TP53BP1: variants seen among roughly 807,000 people sequenced by gnomAD.
The protein encoded by TP53BP1 is TP53-binding protein 1.
A neutral mutation model predicts 200.8 loss-of-function variants in TP53BP1; 61 were observed. The ratio of observed to expected loss-of-function variants is 0.30; its 90% CI spans 0.25 to 0.38. TP53BP1 has a LOEUF of 0.38. TP53BP1 is among the 10% of genes least tolerant of loss of function. The pLI is 1.00. For missense variants in TP53BP1, 2,144 were observed against 2,371.9 expected (o/e 0.90, Z 2.00); for synonymous variants, 822 against 844.3 (o/e 0.97, Z 0.46).
chr15:43,454,661 C>T (rs2046252931), intron 12 of TP53BP1, among the ~76,000 whole-genome samples: 1 of 152,080 alleles, frequency 6.6e-6, no homozygotes, highest in African/African-American at 2.4e-5. Context: ...CCACGCCTGA[C>T]CTACATTATA....
At chr15:43,462,458 C>T (rs532311867) in intron 11 of TP53BP1, among the ~76,000 whole-genome samples, 4 of 152,000 alleles carry the variant, frequency 2.6e-5, no homozygotes, top group Admixed American at 6.6e-5. Flanking sequence ...TACAGGCACA[C>T]GTCACCACAT....
At chr15:43,411,321 A>G (rs1161662948) in intron 24 of TP53BP1, among the ~76,000 whole-genome samples, 2 of 152,206 alleles carry the variant, frequency 1.3e-5, no homozygotes, top group African/African-American at 4.8e-5. Context: ...TCAAGTATGA[A>G]GGTACTAAAT....
intron 4 of TP53BP1, among the ~76,000 whole-genome samples, chr15:43,483,271 C>CACAG (rs60263686): frequency 6.6e-6 from 1 of 150,460 alleles, no homozygotes; most frequent in Non-Finnish European, 1.5e-5. Context: ...CACACACACA[C>CACAG]AGAACAAATG....
Position 43,404,885 on chromosome 15 carries a change from C to T in TP53BP1, c.*2498G>A, listed in dbSNP as rs1309705011. ...GCCGTGGGCACCCCGCCTTGCTGGT[C>T]CCTAGCTTCCGCATCTGTGAAAGGA... is the stretch of plus-strand genomic sequence containing the variant. On this transcript the variant is annotated 3_prime_UTR_variant, in exon 28 of 28. Transcript: ENST00000382044. The T allele has an allele frequency of 1.0e-5, 5 of 489,988 alleles. No homozygotes were observed. Among genetic ancestry groups the T allele is most frequent in the Non-Finnish European group, 1.8e-5 (5 of 277,250 alleles). 30.4% of individuals were successfully genotyped at this position (489,988 alleles called of 1,614,324 possible). A position where few individuals can be genotyped will look rare whatever the true frequency, so the allele number is the denominator to read the frequency against.
Position 43,432,549 on chromosome 15 carries a change from G to A in TP53BP1, c.3320C>T (p.Pro1107Leu). ...TTGTATGACCATCTTCTGGGAAGCAGGAGAAACAGGGTCCTTGACAGGACT... is the reference window on the plus strand; with the variant it reads ...TTGTATGACCATCTTCTGGGAAGCAAGAGAAACAGGGTCCTTGACAGGACT... The part of the protein sequence containing the change: ...PISPVKDPVS[P>L]ASQKMVIQGP... The change falls in exon 17 of 28, where the codon CCT becomes CTT. Residue 1107 changes from proline (P) to leucine (L), a missense_variant. Pro to Leu is a moderately conservative substitution (Grantham distance 98). This residue lies in a region of TP53BP1 where 1,700 missense variants were observed against 1,710.3 expected (regional missense o/e 0.99). Coordinates refer to ENST00000382044, the MANE Select transcript of TP53BP1 (RefSeq NM_001141980.3). The A allele has an allele frequency of 6.2e-7, 1 of 1,614,170 alleles. No homozygotes were observed. Among genetic ancestry groups the A allele is most frequent in the Non-Finnish European group, 8.5e-7 (1 of 1,180,030 alleles).
At chr15:43,412,084 C>T (rs1215755859) in intron 24 of TP53BP1, among the ~76,000 whole-genome samples, 1 of 152,170 alleles carries the variant, frequency 6.6e-6, no homozygotes, top group African/African-American at 2.4e-5. Flanking sequence ...GTGTTGCAAA[C>T]ACTGGACCTT....
At chr15:43,443,315 A>C (rs2045971137) in intron 14 of TP53BP1, among the ~76,000 whole-genome samples, 1 of 152,216 alleles carries the variant, frequency 6.6e-6, no homozygotes, top group South Asian at 2.1e-4. Context: ...TAGGTTGATG[A>C]ACTAATTTTA....
chr15:43,462,325 G>A (rs1447786937), intron 11 of TP53BP1, among the ~76,000 whole-genome samples: 1 of 150,328 alleles, frequency 6.7e-6, no homozygotes, highest in Non-Finnish European at 1.5e-5. Flanking sequence ...CTTCAAGATG[G>A]GGTCTTGCTT....
chr15:43,493,844 A>C (rs1380837262), upstream of TP53BP1, among the ~76,000 whole-genome samples: 3 of 152,204 alleles, frequency 2.0e-5, no homozygotes, highest in African/African-American at 7.2e-5. Context: ...TTGCCTGCAG[A>C]GACTACAGCC....
At chr15:43,502,385 A>G (rs2079213691) in intron 1 of TP53BP1, among the ~76,000 whole-genome samples, 1 of 152,102 alleles carries the variant, frequency 6.6e-6, no homozygotes, top group African/African-American at 2.4e-5. Flanking sequence ...TCCACTAACA[A>G]CATATTAGTT....
chr15:43,446,675 CTGTT>C, intron 13 of TP53BP1, 85 bp from the exon 14 acceptor site: 1 of 1,564,996 alleles, frequency 6.4e-7, no homozygotes, highest in Non-Finnish European at 8.7e-7. Context: ...ATCAATTTGC[CTGTT>C]TGGCTCCACA....
intron 25 of TP53BP1, 78 bp downstream of exon 25, chr15:43,409,569 C>T: frequency 1.3e-6 from 1 of 762,330 alleles, no homozygotes; most frequent in Non-Finnish European, 2.1e-6. Context: ...TCCCCAACCC[C>T]TCCCAGGCCT....
intron 4 of TP53BP1, 21 bp downstream of exon 4, chr15:43,491,648 A>G: frequency 6.4e-7 from 1 of 1,558,482 alleles, no homozygotes; most frequent in Non-Finnish European, 8.9e-7. Flanking sequence ...ATTTAAATAA[A>G]CCCCTTCAAA....
chr15:43,491,432 T>A (rs1307654049), intron 4 of TP53BP1, among the ~76,000 whole-genome samples: 1 of 152,184 alleles, frequency 6.6e-6, no homozygotes, highest in African/African-American at 2.4e-5. Context: ...CTTATTTTGT[T>A]TCACATGCAC....
At position 43,409,671 on chromosome 15, in the gene TP53BP1, G is replaced by A. The variant is rs2045046698; in HGVS notation, c.5376C>T (p.Ile1792=). Reference sequence around the variant, plus strand: ...CCTGGGCTTCATTGAAATCTTCAAGGATATAGCCAGCTCCTGCTCGAAGCT... The same window carrying A: ...CCTGGGCTTCATTGAAATCTTCAAGAATATAGCCAGCTCCTGCTCGAAGCT... ...ESQLRAGAGY[I]LEDFNEAQCN... Residue 1792 remains isoleucine, a synonymous_variant, in exon 25 of 28, where the codon ATC becomes ATT. Coordinates refer to ENST00000382044, the MANE Select transcript of TP53BP1 (RefSeq NM_001141980.3). 1.3e-6 allele frequency: 2 copies of A among 1,568,420 alleles called. No individual in the cohort carries two copies. Among genetic ancestry groups the A allele is most frequent in the Non-Finnish European group, 1.7e-6 (2 of 1,159,720 alleles).
At chr15:43,454,492 T>G (rs757980282) in intron 12 of TP53BP1, among the ~76,000 whole-genome samples, 3 of 151,080 alleles carry the variant, frequency 2.0e-5, no homozygotes, top group Non-Finnish European at 4.4e-5. Flanking sequence ...GCCTCCCGAG[T>G]AGCTGGGATT....
intron 17 of TP53BP1, 21 bp downstream of exon 17, chr15:43,432,173 C>A (rs1445178531): frequency 3.1e-6 from 5 of 1,589,630 alleles, no homozygotes; most frequent in Non-Finnish European, 4.3e-6. Context: ...GCCTCTGATG[C>A]ACCCTAGTAT....
intron 15 of TP53BP1, among the ~76,000 whole-genome samples, chr15:43,440,271 ACT>A (rs1353837910): frequency 6.6e-6 from 1 of 151,888 alleles, no homozygotes; most frequent in Admixed American, 6.6e-5. Context: ...TGTCCTCAAC[ACT>A]CTGTCTTGCG....
chr15:43,463,909 C>A (rs903516235), intron 11 of TP53BP1, among the ~76,000 whole-genome samples: 5 of 152,218 alleles, frequency 3.3e-5, no homozygotes, highest in Admixed American at 6.5e-5. Context: ...TGCCTCCCAA[C>A]CCCCCTTCCC....
Sources: gnomAD v4.1 joint callset for allele counts (sites outside exome capture counted in the v4.1 genomes callset) on GRCh38, gnomAD v4.1.1 for gene constraint, gnomAD v4.1.1 regional missense constraint, MANE v1.5 for transcripts, NCBI Gene and HGNC (gene_info 2026-07-23, HGNC 2026-07-21) for gene names.